Variants in SCGN observed in about 807,000 individuals in gnomAD.
SCGN encodes the protein secretagogin, EF-hand calcium binding protein, also known as secretagogin.
Under a neutral mutation model 39.7 loss-of-function variants are expected in SCGN, and 30 were observed. That is an observed-to-expected ratio of 0.76 (90% CI 0.57 to 1.03). The LOEUF is 1.03. Among genes scored for constraint, SCGN ranks in the 50% least tolerant of loss-of-function variants. The pLI is 0.00. For synonymous variants in SCGN, 106 were observed against 114.1 expected, an observed-to-expected ratio of 0.93 and a Z score of 0.45; for missense variants, 353 against 349.4, an observed-to-expected ratio of 1.01 and a Z score of -0.08.
chr6:25,667,644 T>C (rs1447370948), intron 4 of SCGN, among the ~76,000 whole-genome samples: 1 of 152,226 alleles, frequency 6.6e-6, no homozygotes, highest in Non-Finnish European at 1.5e-5. Flanking sequence ...TGTTCGCCAT[T>C]CCTTTTTGTA....
intron 4 of SCGN, among the ~76,000 whole-genome samples, 168 bp downstream of exon 4, chr6:25,665,200 C>A (rs1342639944): frequency 6.6e-6 from 1 of 152,130 alleles, no homozygotes; most frequent in East Asian, 1.9e-4. Flanking sequence ...TGGTCCCAAA[C>A]CCCAGTGTTC....
At chr6:25,680,833 G>T (rs1291910899) in intron 6 of SCGN, among the ~76,000 whole-genome samples, 1 of 152,172 alleles carries the variant, frequency 6.6e-6, no homozygotes, top group African/African-American at 2.4e-5. Flanking sequence ...TGCCAAAGTG[G>T]TGAGAATAGG....
intron 4 of SCGN, among the ~76,000 whole-genome samples, chr6:25,668,717 G>A (rs1759434022): frequency 6.6e-6 from 1 of 152,162 alleles, no homozygotes; most frequent in Non-Finnish European, 1.5e-5. Flanking sequence ...CTTGGGACAG[G>A]CTTTGGTTTC....
chr6:25,679,359 C>T (rs535244301), intron 6 of SCGN, among the ~76,000 whole-genome samples: 26 of 152,204 alleles, frequency 1.7e-4, no homozygotes, highest in Non-Finnish European at 3.7e-4. Context: ...ACCAATGTCA[C>T]AAGGCAGTGA....
chr6:25,658,003 CTTTTTTTTTTTTTTTTTTTTTTTTTTTT>C (rs759915721), intron 2 of SCGN, among the ~76,000 whole-genome samples: 16 of 70,398 alleles, frequency 2.3e-4, no homozygotes, highest in Admixed American at 5.7e-4. Flanking sequence ...GAAAGGTATC[CTTTTTTTTTTTTTTTTTTTTTTTTTTTT>C]TTTTTTTTTT....
intron 10 of SCGN, among the ~76,000 whole-genome samples, chr6:25,692,346 C>T (rs1332873820): frequency 3.3e-5 from 5 of 152,242 alleles, no homozygotes; most frequent in African/African-American, 9.6e-5. Flanking sequence ...ATGAATGGGA[C>T]AGTCAGTCTG....
intron 7 of SCGN, among the ~76,000 whole-genome samples, chr6:25,683,984 A>G (rs969723048): frequency 2.0e-5 from 3 of 152,218 alleles, no homozygotes; most frequent in African/African-American, 7.2e-5. Context: ...TTGAAATTCA[A>G]GTGAGACATG....
At chr6:25,694,034 T>C (rs1759808383) in intron 10 of SCGN, among the ~76,000 whole-genome samples, 1 of 152,232 alleles carries the variant, frequency 6.6e-6, no homozygotes, top group Non-Finnish European at 1.5e-5. Context: ...ATTAATACCA[T>C]GGTAATAAAT....
intron 6 of SCGN, among the ~76,000 whole-genome samples, chr6:25,672,450 C>T (rs1759512638): frequency 6.6e-6 from 1 of 152,190 alleles, no homozygotes; most frequent in Admixed American, 6.5e-5. Flanking sequence ...GGGTAGGGGA[C>T]TGGGAAGAAG....
Position 25,661,755 on chromosome 6 carries a change from T to G in SCGN, c.246+111T>G, listed in dbSNP as rs1028899794. 4 of 716,364 alleles carry G rather than the reference T, an allele frequency of 5.6e-6. No homozygotes were observed. In the African/African-American group the frequency reaches 7.3e-5, roughly 13 times the overall value. The allele number at this position is 716,364 out of a possible 1,614,324, so 44.4% of individuals were successfully genotyped here. On this transcript the variant is annotated intron_variant, in intron 3 of 10. Transcript: ENST00000377961. ...TTGAAAGACAATGGAAACTTTACATTTGATCAGGAAATTAGAGATTTCTGA... is the reference window on the plus strand; with the variant it reads ...TTGAAAGACAATGGAAACTTTACATGTGATCAGGAAATTAGAGATTTCTGA...
chr6:25,664,783 A>C (rs1760398396), intron 3 of SCGN, among the ~76,000 whole-genome samples, 160 bp from the exon 4 acceptor site: 1 of 152,178 alleles, frequency 6.6e-6, no homozygotes, highest in Non-Finnish European at 1.5e-5. Flanking sequence ...TGAATCAAAG[A>C]ATGTCAATCA....
rs192413643 is a variant in SCGN at position 25,678,796 on chromosome 6, T to C, written c.472-3155T>C. 2.8e-4 allele frequency: 43 copies of C among 153,294 alleles called. 1 individual carries two copies. The South Asian group carries it at 5.6e-3, about 20-fold the overall frequency. 9.5% of individuals were successfully genotyped at this position (153,294 alleles called of 1,614,324 possible). On this transcript the variant is annotated intron_variant, in intron 6 of 10. Coordinates refer to ENST00000377961, the MANE Select transcript of SCGN (RefSeq NM_006998.4). Reference sequence around the variant, plus strand: ...TACATGCACTGTTGCTGCTATTGTGTCTCAGTGGTTGCCTTGCTCACTAGG... The same window carrying C: ...TACATGCACTGTTGCTGCTATTGTGCCTCAGTGGTTGCCTTGCTCACTAGG...
intron 4 of SCGN, among the ~76,000 whole-genome samples, chr6:25,667,114 T>C (rs1219377079): frequency 6.6e-6 from 1 of 152,166 alleles, no homozygotes; most frequent in Non-Finnish European, 1.5e-5. Flanking sequence ...ATTTTTTCTT[T>C]TTGTATTTCA....
intron 1 of SCGN, 119 bp from the exon 2 acceptor site, chr6:25,653,263 A>G (rs375661414): frequency 9.9e-6 from 7 of 705,586 alleles, no homozygotes; most frequent in African/African-American, 5.4e-5. Flanking sequence ...TTATTGGAAT[A>G]ACAAAAAATA....
Position 25,691,042 on chromosome 6 carries a change from C to A in SCGN, c.634-14C>A, listed in dbSNP as rs770020120. 6.8e-6 allele frequency: 11 copies of A among 1,609,620 alleles called. No individual in the cohort carries two copies. The highest frequency in any genetic ancestry group is 9.3e-6 in the Non-Finnish European group (11 of 1,177,286). ...GAAACTGATATTTGGGCAATTGGAT[C>A]TTTTCTTTTTCAGAGTAAAACAGGA... On this transcript the variant is annotated splice_polypyrimidine_tract_variant and intron_variant, in intron 9 of 10. Transcript: ENST00000377961.
chr6:25,688,258 T>A (rs1473308733), intron 7 of SCGN, among the ~76,000 whole-genome samples: 1 of 152,202 alleles, frequency 6.6e-6, no homozygotes, highest in Non-Finnish European at 1.5e-5. Context: ...ATAGGTCATG[T>A]TTCTGGTGTA....
intron 7 of SCGN, among the ~76,000 whole-genome samples, chr6:25,684,378 C>T (rs13191296): frequency 0.046 from 6,955 of 152,234 alleles, 206 homozygotes; most frequent in Non-Finnish European, 0.072. Context: ...ATACCCAAAT[C>T]CTCGGATGTT....
In SCGN at chr6:25,689,543, G is replaced by A. The variant is rs748681138; in HGVS notation, c.633+11G>A. The A allele has an allele frequency of 1.6e-5, 25 of 1,611,336 alleles. No homozygotes were observed. The Admixed American group carries it at 1.7e-4, about 11-fold the overall frequency. ...GCCTACTATGATGTTGTAAGTGTGC[G>A]TCTTTATACTGTGCTGGCCATCTCT... is the stretch of plus-strand genomic sequence containing the variant. On this transcript the variant is annotated intron_variant, in intron 9 of 10. Transcript: ENST00000377961.
chr6:25,665,687 C>T (rs1312604835), intron 4 of SCGN, among the ~76,000 whole-genome samples: 1 of 152,222 alleles, frequency 6.6e-6, no homozygotes, highest in Non-Finnish European at 1.5e-5. Context: ...AGATTCAAGA[C>T]AGCCACTGTA....
Sources: gnomAD v4.1 joint callset for allele counts (sites outside exome capture counted in the v4.1 genomes callset) on GRCh38, gnomAD v4.1.1 for gene constraint, MANE v1.5 for transcripts, NCBI Gene and HGNC (gene_info 2026-07-23, HGNC 2026-07-21) for gene names.